Variants in SLC2A9 observed in about 807,000 individuals in gnomAD.
SLC2A9 encodes solute carrier family 2, facilitated glucose transporter member 9.
Under a neutral mutation model 50.6 loss-of-function variants are expected in SLC2A9, and 39 were observed. That is an observed-to-expected ratio of 0.77 (90% confidence interval 0.60 to 1.01). The LOEUF (loss-of-function observed/expected upper bound fraction) is 1.01. Ranked by LOEUF, SLC2A9 falls within the 50% of genes least tolerant of loss-of-function variation. The pLI, the probability that SLC2A9 is intolerant of heterozygous loss-of-function variation, is 0.00. For synonymous variants in SLC2A9, 324 were observed against 276.9 expected, an observed-to-expected ratio of 1.17 and a Z score of -1.69; for missense variants, 686 against 677.6, an observed-to-expected ratio of 1.01 and a Z score of -0.14.
At chr4:9,993,679 G>A (rs1226054965) in intron 3 of SLC2A9, among the ~76,000 whole-genome samples, 1 of 152,048 alleles carries the variant, frequency 6.6e-6, no homozygotes, top group African/African-American at 2.4e-5. Flanking sequence ...GGAGGGTCCT[G>A]TCACTATGGT....
At chr4:9,853,488 C>G (rs1211609306) in intron 10 of SLC2A9, among the ~76,000 whole-genome samples, 1 of 152,028 alleles carries the variant, frequency 6.6e-6, no homozygotes, top group African/African-American at 2.4e-5. Flanking sequence ...CATGGAGTAC[C>G]CAGATTCATA....
At chr4:9,836,154 G>C (rs1197742842) in intron 10 of SLC2A9, among the ~76,000 whole-genome samples, 10 of 149,276 alleles carry the variant, frequency 6.7e-5, no homozygotes, top group Admixed American at 6.0e-4. Context: ...TCGGGGGAAA[G>C]GGTGGGAGGG....
At chr4:9,974,896 C>A (rs1180862798) in intron 5 of SLC2A9, among the ~76,000 whole-genome samples, 1 of 152,106 alleles carries the variant, frequency 6.6e-6, no homozygotes, top group Admixed American at 6.5e-5. Flanking sequence ...GGTACTGGTA[C>A]AAAAACAGAC....
chr4:9,896,126 T>C (rs537885729), intron 8 of SLC2A9, among the ~76,000 whole-genome samples: 24 of 152,352 alleles, frequency 1.6e-4, no homozygotes, highest in African/African-American at 5.5e-4. Flanking sequence ...TAAATATGTA[T>C]AAGTGGAATG....
chr4:10,015,147 G>A (rs768881725), intron 2 of SLC2A9, among the ~76,000 whole-genome samples: 10 of 152,164 alleles, frequency 6.6e-5, no homozygotes, highest in Non-Finnish European at 1.3e-4. Context: ...GGTTGTTGCA[G>A]TGAAACCTTG....
At chr4:10,010,489 C>A (rs989464622) in intron 2 of SLC2A9, among the ~76,000 whole-genome samples, 1 of 152,182 alleles carries the variant, frequency 6.6e-6, no homozygotes, top group African/African-American at 2.4e-5. Context: ...TCGCTGGTGT[C>A]TGAAGTAAGG....
intron 5 of SLC2A9, among the ~76,000 whole-genome samples, chr4:9,972,858 T>C (rs1229857677): frequency 6.6e-6 from 1 of 152,174 alleles, no homozygotes; most frequent in East Asian, 1.9e-4. Context: ...AGATCTCATA[T>C]TAATAATCTT....
chr4:9,941,333 C>A (rs1317631651), intron 6 of SLC2A9, among the ~76,000 whole-genome samples: 2 of 152,092 alleles, frequency 1.3e-5, no homozygotes, highest in Non-Finnish European at 1.5e-5. Flanking sequence ...ACTCCCAAGC[C>A]CCTTTGCGAG....
At chr4:9,940,587 A>T (rs1373938669) in intron 6 of SLC2A9, among the ~76,000 whole-genome samples, 4 of 152,224 alleles carry the variant, frequency 2.6e-5, no homozygotes. Context: ...AGCCTCTATA[A>T]ATCTCTATAA....
At chr4:10,028,308 C>T (rs905441312) in intron 1 of SLC2A9, among the ~76,000 whole-genome samples, 1 of 152,228 alleles carries the variant, frequency 6.6e-6, no homozygotes, top group African/African-American at 2.4e-5. Flanking sequence ...AATGCGAATG[C>T]AGCACTCGAG....
Position 9,874,792 on chromosome 4 carries a change from G to C in SLC2A9, c.1291+12775C>G, listed in dbSNP as rs140433467. 3.4e-3 allele frequency among the ~76,000 whole-genome samples: 520 copies of C among 152,128 alleles called. 3 individuals carry two copies. The highest frequency in any genetic ancestry group is 0.012 in the African/African-American group (494 of 41,422). On this transcript the variant is annotated intron_variant, in intron 10 of 11. Coordinates refer to ENST00000264784, the MANE Select transcript of SLC2A9 (RefSeq NM_020041.3). ...GCTGTGTCTTTAGAAATGGCCATAAGTTAGTGTCTGTCTAATGTGGGACGC... is the reference window on the plus strand; with the variant it reads ...GCTGTGTCTTTAGAAATGGCCATAACTTAGTGTCTGTCTAATGTGGGACGC...
chr4:10,006,001 G>C (rs745380924), intron 2 of SLC2A9, among the ~76,000 whole-genome samples: 1 of 152,152 alleles, frequency 6.6e-6, no homozygotes, highest in African/African-American at 2.4e-5. Flanking sequence ...GTGCTGGGTC[G>C]ATATGAAGTA....
At chr4:9,821,303 ATTG>A (rs1047028585), downstream of SLC2A9, among the ~76,000 whole-genome samples, 23 of 152,232 alleles carry the variant, frequency 1.5e-4, no homozygotes, top group African/African-American at 5.3e-4. Flanking sequence ...TTTTATAAAA[ATTG>A]TTGATTTAAC....
intron 10 of SLC2A9, among the ~76,000 whole-genome samples, chr4:9,885,199 A>G (rs1018701639): frequency 6.6e-6 from 1 of 152,144 alleles, no homozygotes; most frequent in African/African-American, 2.4e-5. Flanking sequence ...CATGTATCCC[A>G]TGAAAAAAAA....
At chr4:10,007,124 C>T (rs1442132646) in intron 2 of SLC2A9, among the ~76,000 whole-genome samples, 1 of 152,222 alleles carries the variant, frequency 6.6e-6, no homozygotes, top group African/African-American at 2.4e-5. Flanking sequence ...TGAGTACTAC[C>T]GCATTCCTGT....
chr4:9,847,934 G>C (rs1223386064), intron 10 of SLC2A9, among the ~76,000 whole-genome samples: 1 of 152,168 alleles, frequency 6.6e-6, no homozygotes, highest in Non-Finnish European at 1.5e-5. Context: ...TCCTCCTGTT[G>C]TATCCAGAGA....
At chr4:10,023,005 C>T (rs1763610145), upstream of SLC2A9, among the ~76,000 whole-genome samples, 1 of 152,198 alleles carries the variant, frequency 6.6e-6, no homozygotes, top group South Asian at 2.1e-4. Flanking sequence ...GCCTGGTTTC[C>T]TCATTGAGTG....
Position 9,826,596 on chromosome 4 carries a change from C to A in SLC2A9, c.1424G>T (p.Ser475Ile), listed in dbSNP as rs1725171209. ...VGLLFPFIQK[S>I]LDTYCFLVFA... is the part of the protein sequence containing the mutation. ...GACTAGGAAACAGTAGGTGTCCAGACTTTTCTGTGGAAAGGCAGAGACAAA... is the reference window on the plus strand; with the variant it reads ...GACTAGGAAACAGTAGGTGTCCAGAATTTTCTGTGGAAAGGCAGAGACAAA... The change falls in exon 12 of 12, where the codon AGT (serine) becomes ATT (isoleucine). Residue 475 changes from serine (S) to isoleucine (I), a missense_variant. Coordinates refer to ENST00000264784, the MANE Select transcript of SLC2A9 (RefSeq NM_020041.3). 6.2e-7 allele frequency: 1 copy of A among 1,613,828 alleles called. No individual in the cohort carries two copies. The highest frequency in any genetic ancestry group is 1.7e-5 in the Admixed American group (1 of 59,992).
intron 2 of SLC2A9, 89 bp downstream of exon 2, chr4:10,018,886 G>C (rs1207952714): frequency 7.6e-7 from 1 of 1,316,670 alleles, no homozygotes; most frequent in African/African-American, 1.5e-5. Context: ...GAGCGCAACA[G>C]GAGGGGGCGC....
Sources: gnomAD v4.1 joint callset for allele counts (sites outside exome capture counted in the v4.1 genomes callset) on GRCh38, gnomAD v4.1.1 for gene constraint, MANE v1.5 for transcripts, NCBI Gene and HGNC (gene_info 2026-07-23, HGNC 2026-07-21) for gene names.